WDR70: variants seen among roughly 807,000 people sequenced by gnomAD.
WDR70 encodes the protein WD repeat domain 70.
In WDR70, 53 loss-of-function variants were observed where a neutral mutation model predicts 88.6. The ratio of observed to expected loss-of-function variants is 0.60; its 90% CI spans 0.48 to 0.75. The LOEUF (loss-of-function observed/expected upper bound fraction) is 0.75. WDR70 is among the 30% of genes least tolerant of loss of function. The pLI, the probability that WDR70 is intolerant of heterozygous loss-of-function variation, is 0.00. For missense variants in WDR70, 610 were observed against 823.2 expected, an observed-to-expected ratio of 0.74 and a Z score of 3.17; for synonymous variants, 280 against 270.0, an observed-to-expected ratio of 1.04 and a Z score of -0.36.
chr5:37,583,707 G>GGATGAT (rs1277730230), intron 9 of WDR70, among the ~76,000 whole-genome samples: 4 of 152,140 alleles, frequency 2.6e-5, no homozygotes, highest in Admixed American at 6.5e-5. Flanking sequence ...TCCTTTGAAA[G>GGATGAT]TGTTTTCTCA....
chr5:37,392,246 T>C, intron 4 of WDR70, 126 bp downstream of exon 4: 1 of 1,066,946 alleles, frequency 9.4e-7, no homozygotes, highest in African/African-American at 1.7e-5. Context: ...TGCAGTGGCG[T>C]GATCTTGGCT....
At chr5:37,548,942 A>T (rs1410780348) in intron 9 of WDR70, among the ~76,000 whole-genome samples, 1 of 152,166 alleles carries the variant, frequency 6.6e-6, no homozygotes, top group Non-Finnish European at 1.5e-5. Context: ...GTAAAAAATT[A>T]GTTCACTACA....
chr5:37,382,912 G>A (rs13161370), intron 3 of WDR70, among the ~76,000 whole-genome samples: 4 of 151,804 alleles, frequency 2.6e-5, no homozygotes, highest in Admixed American at 2.6e-4. Context: ...AGTAGGGAGG[G>A]TGAGGCAGGA....
chr5:37,694,356 C>G (rs377057157), intron 10 of WDR70, among the ~76,000 whole-genome samples: 266 of 152,220 alleles, frequency 1.7e-3, no homozygotes, highest in African/African-American at 6.2e-3. Context: ...GGGTATATAC[C>G]CAAAGGATCA....
chr5:37,436,445 A>G (rs1750469720), intron 5 of WDR70, among the ~76,000 whole-genome samples: 1 of 152,132 alleles, frequency 6.6e-6, no homozygotes, highest in South Asian at 2.1e-4. Flanking sequence ...TCTGTAGGCT[A>G]TTTCCTCCCA....
At chr5:37,712,339 T>G (rs1197513053) in intron 13 of WDR70, among the ~76,000 whole-genome samples, 1 of 152,240 alleles carries the variant, frequency 6.6e-6, no homozygotes, top group African/African-American at 2.4e-5. Context: ...ATTTTAATTG[T>G]CTACTACTTT....
At chr5:37,599,013 G>A (rs1743784946) in intron 9 of WDR70, among the ~76,000 whole-genome samples, 1 of 152,182 alleles carries the variant, frequency 6.6e-6, no homozygotes, top group Admixed American at 6.5e-5. Flanking sequence ...ACAGAGTTTG[G>A]CAGAGGTAAA....
intron 9 of WDR70, among the ~76,000 whole-genome samples, chr5:37,592,617 T>C (rs931902136): frequency 6.6e-5 from 10 of 152,198 alleles, no homozygotes; most frequent in African/African-American, 2.4e-4. Context: ...AAATCAGGTA[T>C]CAAATTATGG....
At chr5:37,737,866 A>G (rs1165502410) in intron 17 of WDR70, among the ~76,000 whole-genome samples, 1 of 151,704 alleles carries the variant, frequency 6.6e-6, no homozygotes, top group African/African-American at 2.4e-5. Flanking sequence ...TCTTTTTTCC[A>G]TCTTCACAGT....
chr5:37,585,085 G>T (rs1345546080), intron 9 of WDR70, among the ~76,000 whole-genome samples: 1 of 150,722 alleles, frequency 6.6e-6, no homozygotes, highest in Non-Finnish European at 1.5e-5. Flanking sequence ...CTGCCTCCCA[G>T]GTTCAAGTGA....
chr5:37,402,329 T>TGTGTGTGTGTGTA (rs59326032), intron 5 of WDR70, among the ~76,000 whole-genome samples: 128 of 147,692 alleles, frequency 8.7e-4, no homozygotes, highest in African/African-American at 2.8e-3. Flanking sequence ...GTGTGTGTGT[T>TGTGTGTGTGTGTA]TTAAATTTTT....
rs192498301 is a variant in WDR70, at chr5:37,443,490, A to G, written c.686+118A>G. On this transcript the variant is annotated intron_variant, in intron 7 of 17. Coordinates refer to ENST00000265107, the MANE Select transcript of WDR70 (RefSeq NM_018034.4). ...ATTTGTATCAAAATACATTACGTTTATATGACTGTATACGGCCTTCATAAT... is the reference window on the plus strand; with the variant it reads ...ATTTGTATCAAAATACATTACGTTTGTATGACTGTATACGGCCTTCATAAT... The G allele has an allele frequency of 3.3e-4, 375 of 1,132,474 alleles. 2 individuals carry two copies. The African/African-American group carries it at 5.4e-3, about 16-fold the overall frequency. The allele number at this position is 1,132,474 out of a possible 1,614,324, so 70.2% of individuals were successfully genotyped here.
intron 4 of WDR70, 56 bp downstream of exon 4, chr5:37,392,176 A>AT: frequency 3.9e-5 from 53 of 1,360,944 alleles, no homozygotes; most frequent in Non-Finnish European, 4.8e-5. Flanking sequence ...GTGTTTATAG[A>AT]GTTTTTTTTT....
At chr5:37,587,591 C>T (rs1454013137) in intron 9 of WDR70, among the ~76,000 whole-genome samples, 1 of 151,988 alleles carries the variant, frequency 6.6e-6, no homozygotes, top group African/African-American at 2.4e-5. Context: ...GGCATGTTTT[C>T]CTCTCTTCCC....
At chr5:37,528,195 C>G (rs1741361270) in intron 9 of WDR70, among the ~76,000 whole-genome samples, 1 of 152,136 alleles carries the variant, frequency 6.6e-6, no homozygotes, top group African/African-American at 2.4e-5. Context: ...TTTATTGCGG[C>G]ACTATTCACA....
rs560714676 is a variant in WDR70, at chr5:37,685,058, G to T, written c.1093-12597G>T. ...TGCAGCCAGGGGTTGGCTGCTCAGGGTTGGGGAGGGTCCAGTGTTCTCCAT... is the reference window on the plus strand; with the variant it reads ...TGCAGCCAGGGGTTGGCTGCTCAGGTTTGGGGAGGGTCCAGTGTTCTCCAT... On this transcript the variant is annotated intron_variant, in intron 10 of 17. Transcript: ENST00000265107. Among the ~76,000 whole-genome samples, 10 of 152,192 alleles carry T rather than the reference G, an allele frequency of 6.6e-5. No homozygotes were observed. In the South Asian group the frequency reaches 1.9e-3, roughly 28 times the overall value.
chr5:37,449,614 A>AAAATAAAT (rs1554140452), intron 7 of WDR70, among the ~76,000 whole-genome samples: 1 of 120,782 alleles, frequency 8.3e-6, no homozygotes, highest in African/African-American at 2.9e-5. Context: ...TAAAAAATAA[A>AAAATAAAT]AAATAAATAA....
At chr5:37,412,311 C>T (rs1429300469) in intron 5 of WDR70, among the ~76,000 whole-genome samples, 2 of 151,964 alleles carry the variant, frequency 1.3e-5, no homozygotes, top group East Asian at 1.9e-4. Context: ...TGCTTGAACC[C>T]GGGAGGTGGA....
intron 5 of WDR70, among the ~76,000 whole-genome samples, chr5:37,405,595 A>T (rs977123610): frequency 5.3e-5 from 8 of 152,188 alleles, no homozygotes; most frequent in African/African-American, 1.9e-4. Context: ...TTGGTGCTAT[A>T]AACAGTTAAT....
Sources: gnomAD v4.1 joint callset for allele counts (sites outside exome capture counted in the v4.1 genomes callset) on GRCh38, gnomAD v4.1.1 for gene constraint, MANE v1.5 for transcripts, NCBI Gene and HGNC (gene_info 2026-07-23, HGNC 2026-07-21) for gene names.